RASA3: variants seen among roughly 807,000 people sequenced by gnomAD.
RASA3 encodes RAS p21 protein activator 3.
In RASA3, 73 loss-of-function variants were observed where a neutral mutation model predicts 110.0. The observed-to-expected ratio is 0.66, with a 90% CI of 0.55 to 0.81. The LOEUF is 0.81. Ranked by LOEUF, RASA3 falls within the 30% of genes least tolerant of loss-of-function variation. RASA3 has a pLI of 0.00. For synonymous variants in RASA3, 500 were observed against 451.4 expected (o/e 1.11, Z -1.37); for missense variants, 976 against 1,113.2 (o/e 0.88, Z 1.75).
At chr13:114,035,278 G>A (rs960186453) in intron 4 of RASA3, among the ~76,000 whole-genome samples, 3 of 152,244 alleles carry the variant, frequency 2.0e-5, no homozygotes, top group African/African-American at 7.2e-5. Context: ...CCACAGGAAA[G>A]GAACGAGAGG....
intron 1 of RASA3, among the ~76,000 whole-genome samples, chr13:114,076,729 C>T (rs1194377572): frequency 5.3e-5 from 8 of 152,038 alleles, no homozygotes; most frequent in African/African-American, 1.4e-4. Context: ...CTGGTGGCCG[C>T]GGCTGCCCCT....
rs1432957289 is a variant in RASA3, at chr13:114,005,807, AC to A, written c.1742+1725del. Among the ~76,000 whole-genome samples the A allele has an allele frequency of 3.5e-3, 190 of 54,994 alleles. 18 individuals are homozygous for A. The highest frequency in any genetic ancestry group is 0.017 in the Middle Eastern group (1 of 58). The allele number at this position is 54,994 out of a possible 152,430, so 36.1% of individuals were successfully genotyped here. A position where few individuals can be genotyped will look rare whatever the true frequency, so the allele number is the denominator to read the frequency against. ...CTCCTGCCCTGCCGGACACCACCTT[AC>A]CCTTCTCCCCTCCTGCCCTGCCGGA... is the stretch of plus-strand genomic sequence containing the variant. On this transcript the variant is annotated intron_variant, in intron 18 of 23. Coordinates refer to ENST00000334062, the MANE Select transcript of RASA3 (RefSeq NM_007368.4).
chr13:114,028,239 C>A (rs2054068048), intron 5 of RASA3, among the ~76,000 whole-genome samples: 1 of 148,238 alleles, frequency 6.7e-6, no homozygotes, highest in African/African-American at 2.5e-5. Flanking sequence ...CAGTGTCATC[C>A]TGGGGGCCAG....
chr13:113,980,822 T>G (rs1035304832), intron 23 of RASA3, among the ~76,000 whole-genome samples: 4 of 149,264 alleles, frequency 2.7e-5, no homozygotes, highest in Non-Finnish European at 4.5e-5. Context: ...ACCCGCATGG[T>G]GGAAGGAAGG....
At chr13:113,999,720 G>A (rs1227904424) in intron 19 of RASA3, 53 bp from the exon 20 acceptor site, 18 of 1,522,348 alleles carry the variant, frequency 1.2e-5, no homozygotes, top group South Asian at 1.0e-4. Context: ...CCCGGCTGGG[G>A]TCCGGGTGGG....
In RASA3 at chr13:114,041,008, C is replaced by T; in HGVS notation, c.364G>A (p.Glu122Lys). ...TGCGCCGAGAGTCTCACCTGCACTT[C>T]CGAGTCAGCGTCCACGTGCTGCAGC... ...FQLQHVDADS[E>K]VQGKVHLELR... is the part of the protein sequence containing the mutation. Residue 122 changes from glutamate to lysine, a missense_variant, in exon 4 of 24, where the codon GAA becomes AAA. Coordinates refer to ENST00000334062, the MANE Select transcript of RASA3 (RefSeq NM_007368.4). 6.2e-7 allele frequency: 1 copy of T among 1,613,700 alleles called. No individual in the cohort carries two copies. The highest frequency in any genetic ancestry group is 1.1e-5 in the South Asian group (1 of 91,088).
chr13:114,042,501 T>C (rs1039625688), intron 3 of RASA3, among the ~76,000 whole-genome samples: 2 of 152,208 alleles, frequency 1.3e-5, no homozygotes, highest in Admixed American at 6.5e-5. Flanking sequence ...TCCTTAAGGA[T>C]CTTGGTCCAG....
chr13:114,056,328 G>A lies in RASA3; in HGVS notation c.174-4173C>T, dbSNP rs1233766176. 7 of 486,456 alleles carry A rather than the reference G, an allele frequency of 1.4e-5. No homozygotes were observed. Among genetic ancestry groups the A allele is most frequent in the Non-Finnish European group, 1.9e-5 (7 of 373,594 alleles). 30.1% of individuals were successfully genotyped at this position (486,456 alleles called of 1,614,324 possible). On this transcript the variant is annotated intron_variant, in intron 2 of 23. Transcript: ENST00000334062. This position sits in a 1 kb window ranked among gnomAD's most constrained non-coding sequence, Gnocchi z 5.7. ...TGGTGAGGGGCGGTGAGATGAGGAT[G>A]CCAGCGCTAAGCACACCCCACAAAC...
intron 3 of RASA3, among the ~76,000 whole-genome samples, chr13:114,050,123 G>A (rs1043573609): frequency 1.3e-5 from 2 of 152,212 alleles, no homozygotes; most frequent in East Asian, 1.9e-4. Flanking sequence ...GAACCCTTCC[G>A]CAGCACCCAG....
chr13:113,996,105 C>T (rs1323458583), intron 21 of RASA3, among the ~76,000 whole-genome samples: 4 of 147,128 alleles, frequency 2.7e-5, no homozygotes, highest in Non-Finnish European at 4.5e-5. Context: ...GATGGGGACC[C>T]GGCTGATGGG....
chr13:113,993,634 CCT>C (rs1444456464), intron 21 of RASA3, among the ~76,000 whole-genome samples: 1 of 150,678 alleles, frequency 6.6e-6, no homozygotes, highest in Non-Finnish European at 1.5e-5. Flanking sequence ...ATGGTGAGAC[CCT>C]GTCTCTATTA....
At position 114,052,099 on chromosome 13, in the gene RASA3, G is replaced by A; in HGVS notation, c.230C>T (p.Ser77Phe). 1.2e-6 allele frequency: 2 copies of A among 1,613,466 alleles called. No homozygotes were observed. Among genetic ancestry groups the A allele is most frequent in the Non-Finnish European group, 1.7e-6 (2 of 1,179,716 alleles). Residue 77 changes from serine to phenylalanine, a missense_variant, in exon 3 of 24, where the codon TCC (serine) becomes TTC (phenylalanine). By Grantham distance (155) the Ser-to-Phe change is radical (BLOSUM62 -2). Around this residue, in one of 4 missense-constraint regions of RASA3, gnomAD observed 732 missense variants for 779.7 expected, o/e 0.94. Transcript: ENST00000334062. ...AACGTCTCTATCGAAAATGTAGAAG[G>A]ACAGGTGACGAAAGCTCCGAGGAAT... is the stretch of plus-strand genomic sequence containing the variant. ...CEIPRSFRHL[S>F]FYIFDRDVFR...
chr13:113,993,939 G>A (rs1459116611), intron 21 of RASA3, among the ~76,000 whole-genome samples: 1 of 152,190 alleles, frequency 6.6e-6, no homozygotes, highest in Non-Finnish European at 1.5e-5. Flanking sequence ...CCAACAGGGA[G>A]GGCCTGATAG....
At chr13:113,996,383 G>A in intron 21 of RASA3, 148 bp downstream of exon 21, 1 of 806,900 alleles carries the variant, frequency 1.2e-6, no homozygotes, top group Non-Finnish European at 1.9e-6. Flanking sequence ...GACCCCTCGG[G>A]TGGGAGGCTC....
intron 1 of RASA3, among the ~76,000 whole-genome samples, chr13:114,078,521 T>G (rs530595893): frequency 1.3e-5 from 2 of 152,300 alleles, no homozygotes; most frequent in South Asian, 4.1e-4. Context: ...CTAAAACATA[T>G]GCGGTGTGTT....
chr13:114,132,497 G>C lies in RASA3; in HGVS notation c.-8C>G. ...CTCGTCCTCCACCGCCATGCTGCGC[G>C]TCCGCGCCCGCCGAGCCTCGCCCCA... is the stretch of plus-strand genomic sequence containing the variant. On this transcript the variant is annotated 5_prime_UTR_variant, in exon 1 of 24. Coordinates refer to ENST00000334062, the MANE Select transcript of RASA3 (RefSeq NM_007368.4). The C allele has an allele frequency of 6.8e-7, 1 of 1,465,824 alleles. No individual in the cohort carries two copies. The highest frequency in any genetic ancestry group is 9.0e-7 in the Non-Finnish European group (1 of 1,111,190). The allele number at this position is 1,465,824 out of a possible 1,614,324, so 90.8% of individuals were successfully genotyped here.
At chr13:114,131,749 C>A (rs1482707335) in intron 1 of RASA3, among the ~76,000 whole-genome samples, 3 of 151,766 alleles carry the variant, frequency 2.0e-5, no homozygotes, top group Non-Finnish European at 1.5e-5. Context: ...CGCACACACA[C>A]GCGCCCACAC....
At chr13:114,064,387 C>A (rs779857488) in intron 2 of RASA3, among the ~76,000 whole-genome samples, 1 of 152,186 alleles carries the variant, frequency 6.6e-6, no homozygotes, top group Non-Finnish European at 1.5e-5. Flanking sequence ...AGCTTTCCCC[C>A]CTATGCTGTT....
In RASA3 at chr13:114,029,819, G is replaced by C. The variant is rs1029478638; in HGVS notation, c.441C>G (p.Leu147=). 2.5e-6 allele frequency: 4 copies of C among 1,592,348 alleles called. No individual in the cohort carries two copies. Among genetic ancestry groups the C allele is most frequent in the South Asian group, 2.3e-5 (2 of 87,474 alleles). ...ITDTGVVCHK[L]ATRIVECQGL... is the part of the protein sequence containing the mutation. ...GTGAGGACGTGTCTTACCGTGTGGC[G>C]AGCTTGTGGCAGACGACCCCAGTGT... The change falls in exon 5 of 24, where the codon CTC becomes CTG. Residue 147 remains leucine, a synonymous_variant. Transcript: ENST00000334062.
Sources: gnomAD v4.1 joint callset for allele counts (sites outside exome capture counted in the v4.1 genomes callset) on GRCh38, gnomAD v4.1.1 for gene constraint, gnomAD v4.1.1 regional missense constraint, Gnocchi (gnomAD v3.1) non-coding constraint, MANE v1.5 for transcripts, NCBI Gene and HGNC (gene_info 2026-07-23, HGNC 2026-07-21) for gene names.